TRAPPC14: variants seen among roughly 807,000 people sequenced by gnomAD.
TRAPPC14 encodes the protein trafficking protein particle complex subunit 14.
TRAPPC14 carries 24 observed loss-of-function variants against 56.6 expected under a neutral mutation model. The ratio of observed to expected loss-of-function variants is 0.42; its 90% CI spans 0.31 to 0.60. TRAPPC14 has a LOEUF of 0.60. Ranked by LOEUF, TRAPPC14 falls within the 20% of genes least tolerant of loss-of-function variation. The pLI is 0.14. For missense variants in TRAPPC14, 615 were observed against 790.3 expected, an observed-to-expected ratio of 0.78 and a Z score of 2.66; for synonymous variants, 377 against 347.0, an observed-to-expected ratio of 1.09 and a Z score of -0.96.
intron 6 of TRAPPC14, 49 bp downstream of exon 6, chr7:100,156,796 C>T (rs1318451857): frequency 1.4e-5 from 22 of 1,606,522 alleles, no homozygotes; most frequent in Non-Finnish European, 1.8e-5. Flanking sequence ...GTCTTTCCCT[C>T]CCACTGCCTT....
chr7:100,157,354 A>G lies in TRAPPC14; in HGVS notation c.724+19T>C, dbSNP rs373075152. The G allele has an allele frequency of 6.8e-6, 11 of 1,613,566 alleles. No homozygotes were observed. Among genetic ancestry groups the G allele is most frequent in the African/African-American group, 1.3e-5 (1 of 74,926 alleles). On this transcript the variant is annotated intron_variant, in intron 4 of 10. Coordinates refer to ENST00000316937, the MANE Select transcript of TRAPPC14 (RefSeq NM_018275.5). ...TTCCCTTGTTGCTCCCGGAGGCTGGAGCCGGCAGCCCTGCTTACCCTTGAG... is the reference window on the plus strand; with the variant it reads ...TTCCCTTGTTGCTCCCGGAGGCTGGGGCCGGCAGCCCTGCTTACCCTTGAG...
rs532599848 is a variant in TRAPPC14, at chr7:100,156,507, G to A, written c.1119C>T (p.Thr373=). The A allele has an allele frequency of 1.5e-5, 24 of 1,614,158 alleles. No homozygotes were observed. Among genetic ancestry groups the A allele is most frequent in the South Asian group, 1.2e-4 (11 of 91,082 alleles). Residue 373 remains threonine (T), a synonymous_variant, in exon 8 of 11, where the codon ACC becomes ACT. Transcript: ENST00000316937. ...TCCGAACAGGGGACTTACAAGAAGC[G>A]GTCATCACAAAACACGGGCGGTCCA... ...VRLDRPCFVM[T]ASCKSPVRTY...
chr7:100,158,364 A>G lies in TRAPPC14; in HGVS notation c.136T>C (p.Phe46Leu). The G allele has an allele frequency of 1.3e-6, 2 of 1,490,464 alleles. No individual in the cohort carries two copies. Among genetic ancestry groups the G allele is most frequent in the South Asian group, 1.3e-5 (1 of 77,842 alleles). The allele number at this position is 1,490,464 out of a possible 1,614,324, so 92.3% of individuals were successfully genotyped here. The stretch of plus-strand genomic sequence containing the variant: ...CCCCGGCAGCGCAACACCAGCAGAA[A>G]ACGGACAGTCTCCCCCAAGTACAGA... ...NHLYLGETVR[F>L]LLVLRCRGGA... is the part of the protein sequence containing the mutation. The change falls in exon 1 of 11, where the codon TTT becomes CTT. Residue 46 changes from phenylalanine (F) to leucine (L), a missense_variant. Physicochemically the swap from Phe to Leu is conservative, Grantham distance 22. Coordinates refer to ENST00000316937, the MANE Select transcript of TRAPPC14 (RefSeq NM_018275.5).
chr7:100,158,335 A>G lies in TRAPPC14; in HGVS notation c.165T>C (p.Gly55=). The change falls in exon 1 of 11, where the codon GGT becomes GGC. Residue 55 remains glycine (G), a synonymous_variant. Coordinates refer to ENST00000316937, the MANE Select transcript of TRAPPC14 (RefSeq NM_018275.5). ...GGCCGCCCCCGGTGCCGGACCCCGC[A>G]CCGCCCCGGCAGCGCAACACCAGCA... ...RFLLVLRCRG[G]AGSGTGGGPG... is the part of the protein sequence containing the mutation. The G allele has an allele frequency of 6.8e-7, 1 of 1,464,820 alleles. No individual in the cohort carries two copies. The allele number at this position is 1,464,820 out of a possible 1,614,324, so 90.7% of individuals were successfully genotyped here. A position where few individuals can be genotyped will look rare whatever the true frequency, so the allele number is the denominator to read the frequency against.
At chr7:100,157,604 GC>G (rs1225464118) in intron 3 of TRAPPC14, 28 bp downstream of exon 3, 1 of 1,613,086 alleles carries the variant, frequency 6.2e-7, no homozygotes, top group African/African-American at 1.3e-5. Context: ...CCAGACTCTA[GC>G]CCTTTGCCTC....
chr7:100,157,788 G>A (rs765045076), intron 2 of TRAPPC14, 26 bp from the exon 3 acceptor site: 1 of 1,614,188 alleles, frequency 6.2e-7, no homozygotes, highest in Non-Finnish European at 8.5e-7. Context: ...ACAGATGGCT[G>A]AGCCCGGAAA....
chr7:100,155,515 A>G (rs1798859807), intron 9 of TRAPPC14, 60 bp from the exon 10 acceptor site: 1 of 1,514,598 alleles, frequency 6.6e-7, no homozygotes. Flanking sequence ...CCTCCTTCCA[A>G]ATGGTCTTCC....
In TRAPPC14 at chr7:100,154,428, C is replaced by G. The variant is rs1441492775; in HGVS notation, c.*583G>C. The G allele has an allele frequency of 1.1e-5, 2 of 184,698 alleles. No homozygotes were observed. Among genetic ancestry groups the G allele is most frequent in the Non-Finnish European group, 2.3e-5 (2 of 86,676 alleles). The allele number at this position is 184,698 out of a possible 1,614,324, so 11.4% of individuals were successfully genotyped here. On this transcript the variant is annotated 3_prime_UTR_variant, in exon 11 of 11. Transcript: ENST00000316937. Reference sequence around the variant, plus strand: ...ACACAAACTAGTCATCCTTCTCCCTCCTGAACAGGCATTTAATAGTCTTAT... The same window carrying G: ...ACACAAACTAGTCATCCTTCTCCCTGCTGAACAGGCATTTAATAGTCTTAT...
chr7:100,155,249 C>T lies in TRAPPC14; in HGVS notation c.1589+13G>A, dbSNP rs764010537. The T allele has an allele frequency of 6.3e-7, 1 of 1,580,084 alleles. No homozygotes were observed. The highest frequency in any genetic ancestry group is 8.6e-7 in the Non-Finnish European group (1 of 1,163,734). Reference sequence around the variant, plus strand: ...CTCTACCCGGTCCCATGCCACGCCCCCTGGTTCTGTACCTCATGAGGTGGC... The same window carrying T: ...CTCTACCCGGTCCCATGCCACGCCCTCTGGTTCTGTACCTCATGAGGTGGC... On this transcript the variant is annotated intron_variant, in intron 10 of 10. Transcript: ENST00000316937.
In TRAPPC14 at chr7:100,155,845, C is replaced by G. The variant is rs1798867100; in HGVS notation, c.1241-20G>C. The G allele has an allele frequency of 1.2e-6, 2 of 1,614,162 alleles. No homozygotes were observed. Among genetic ancestry groups the G allele is most frequent in the East Asian group, 2.2e-5 (1 of 44,892 alleles). ...GCTTTCCTGGGGGCAGAAACAGGGA[C>G]CAGCAAACACTACAGCGTTCCTCAT... On this transcript the variant is annotated intron_variant, in intron 8 of 10. Transcript: ENST00000316937.
chr7:100,156,345 C>T (rs1018117011), intron 8 of TRAPPC14, 41 bp downstream of exon 8: 4 of 1,604,150 alleles, frequency 2.5e-6, no homozygotes, highest in African/African-American at 2.7e-5. Context: ...CTTTCTCTTC[C>T]CCTCCCTGGG....
Position 100,157,378 on chromosome 7 carries a change from A to G in TRAPPC14, c.719T>C (p.Leu240Pro), listed in dbSNP as rs1438711475. 6.2e-7 allele frequency: 1 copy of G among 1,614,054 alleles called. No homozygotes were observed. The highest frequency in any genetic ancestry group is 1.1e-5 in the South Asian group (1 of 91,074). The change falls in exon 4 of 11, where the codon CTC (leucine) becomes CCC (proline). Residue 240 changes from leucine (L) to proline (P), a missense_variant. Physicochemically the swap from Leu to Pro is moderately conservative, Grantham distance 98. Transcript: ENST00000316937. Reference sequence around the variant, plus strand: ...GAGCCGGCAGCCCTGCTTACCCTTGAGCACGGTCAAGTGTTTTCCAGCCAC... The same window carrying G: ...GAGCCGGCAGCCCTGCTTACCCTTGGGCACGGTCAAGTGTTTTCCAGCCAC... ...FTVAGKHLTV[L>P]KVLNSSSQEE...
At position 100,154,986 on chromosome 7, in the gene TRAPPC14, A is replaced by G; in HGVS notation, c.*25T>C. 6.2e-7 allele frequency: 1 copy of G among 1,613,422 alleles called. No homozygotes were observed. Among genetic ancestry groups the G allele is most frequent in the Non-Finnish European group, 8.5e-7 (1 of 1,179,382 alleles). On this transcript the variant is annotated 3_prime_UTR_variant, in exon 11 of 11. Transcript: ENST00000316937. Reference sequence around the variant, plus strand: ...TGGGGGCGTTGGGTCTCTGGAGTGTAAGAGGGAACAGAGCTGGCACGGTGC... The same window carrying G: ...TGGGGGCGTTGGGTCTCTGGAGTGTGAGAGGGAACAGAGCTGGCACGGTGC...
At position 100,154,740 on chromosome 7, in the gene TRAPPC14, G is replaced by A. The variant is rs1798835114; in HGVS notation, c.*271C>T. 1.9e-6 allele frequency: 1 copy of A among 537,910 alleles called. No homozygotes were observed. Among genetic ancestry groups the A allele is most frequent in the South Asian group, 2.1e-5 (1 of 47,774 alleles). The allele number at this position is 537,910 out of a possible 1,614,324, so 33.3% of individuals were successfully genotyped here. The stretch of plus-strand genomic sequence containing the variant: ...ACCAGGGTAAAGGGCCGGGGACAAG[G>A]GAGCTCTGGGAACCCTTGCCCTGGC... On this transcript the variant is annotated 3_prime_UTR_variant, in exon 11 of 11. Coordinates refer to ENST00000316937, the MANE Select transcript of TRAPPC14 (RefSeq NM_018275.5).
chr7:100,158,431 T>A lies in TRAPPC14; in HGVS notation c.69A>T (p.Ala23=). Residue 23 remains alanine (A), a synonymous_variant, in exon 1 of 11, where the codon GCA becomes GCT. Coordinates refer to ENST00000316937, the MANE Select transcript of TRAPPC14 (RefSeq NM_018275.5). ...GCGCCCGGTACCGGCCCGGATCCCC[T>A]GCCAGCTCCGCGCGCGGCGGCAGCG... ...AVPLPPRAEL[A]GDPGRYRALP... 1 of 1,412,092 alleles carries A rather than the reference T, an allele frequency of 7.1e-7. No individual in the cohort carries two copies. Among genetic ancestry groups the A allele is most frequent in the African/African-American group, 1.5e-5 (1 of 66,276 alleles). The allele number at this position is 1,412,092 out of a possible 1,614,324, so 87.5% of individuals were successfully genotyped here.
In TRAPPC14 at chr7:100,155,162, G is replaced by A. The variant is rs1484443014; in HGVS notation, c.1592C>T (p.Ser531Leu). 5.0e-6 allele frequency: 8 copies of A among 1,610,764 alleles called. No homozygotes were observed. The highest frequency in any genetic ancestry group is 1.7e-5 in the Admixed American group (1 of 59,782). ...QQPSRSHLMRSGSVMERRAIT... is the reference protein window; with the variant it reads ...QQPSRSHLMRLGSVMERRAIT... ...GGCTCTGCGCTCCATCACACTGCCC[G>A]ACCTGGGGGAAGGCAGAGGCTGTGG... Residue 531 changes from serine to leucine, a missense_variant and splice_region_variant, in exon 11 of 11, where the codon TCG (serine) becomes TTG (leucine). Transcript: ENST00000316937.
Position 100,158,345 on chromosome 7 carries a change from C to A in TRAPPC14, c.155G>T (p.Cys52Phe). 6.8e-7 allele frequency: 1 copy of A among 1,476,586 alleles called. No individual in the cohort carries two copies. The highest frequency in any genetic ancestry group is 2.5e-5 in the Admixed American group (1 of 40,100). The allele number at this position is 1,476,586 out of a possible 1,614,324, so 91.5% of individuals were successfully genotyped here. ...GGTGCCGGACCCCGCACCGCCCCGGCAGCGCAACACCAGCAGAAAACGGAC... is the reference window on the plus strand; with the variant it reads ...GGTGCCGGACCCCGCACCGCCCCGGAAGCGCAACACCAGCAGAAAACGGAC... ...ETVRFLLVLR[C>F]RGGAGSGTGG... Residue 52 changes from cysteine to phenylalanine, a missense_variant, in exon 1 of 11, where the codon TGC becomes TTC. Coordinates refer to ENST00000316937, the MANE Select transcript of TRAPPC14 (RefSeq NM_018275.5).
At position 100,156,566 on chromosome 7, in the gene TRAPPC14, A is replaced by T; in HGVS notation, c.1077-17T>A. ...CTGGGCAGGCTAGGAGTGGTGAGAG[A>T]GGGATGCTGGCTGTGTGTGTCAGGC... On this transcript the variant is annotated splice_polypyrimidine_tract_variant and intron_variant, in intron 7 of 10. Transcript: ENST00000316937. 6.2e-7 allele frequency: 1 copy of T among 1,613,656 alleles called. No individual in the cohort carries two copies. Among genetic ancestry groups the T allele is most frequent in the Non-Finnish European group, 8.5e-7 (1 of 1,179,678 alleles).
At position 100,154,863 on chromosome 7, in the gene TRAPPC14, T is replaced by C; in HGVS notation, c.*148A>G. 1.4e-6 allele frequency: 1 copy of C among 736,750 alleles called. No individual in the cohort carries two copies. Among genetic ancestry groups the C allele is most frequent in the Non-Finnish European group, 2.3e-6 (1 of 428,712 alleles). 45.6% of individuals were successfully genotyped at this position (736,750 alleles called of 1,614,324 possible). A position where few individuals can be genotyped will look rare whatever the true frequency, so the allele number is the denominator to read the frequency against. ...ACTTCACAGCTTCTTCCCCCATCCC[T>C]CATCAGCAGACACAAGACAGGCAGC... On this transcript the variant is annotated 3_prime_UTR_variant, in exon 11 of 11. Transcript: ENST00000316937.
Sources: allele counts gnomAD v4.1 joint callset, GRCh38; gene constraint gnomAD v4.1.1; transcripts MANE v1.5; gene names NCBI Gene and HGNC (gene_info 2026-07-23, HGNC 2026-07-21).